Variants in UBE2E2 observed in about 807,000 individuals in gnomAD.
UBE2E2 encodes the protein ubiquitin conjugating enzyme E2 E2.
UBE2E2 carries 6 observed loss-of-function variants against 24.7 expected under a neutral mutation model. The observed-to-expected ratio is 0.24, with a 90% CI of 0.13 to 0.48. UBE2E2 has a LOEUF of 0.48. Among genes scored for constraint, UBE2E2 ranks in the 20% least tolerant of loss-of-function variants. The pLI is 0.99. For missense variants in UBE2E2, 169 were observed against 245.0 expected (o/e 0.69, Z 2.07); for synonymous variants, 104 against 83.6 (o/e 1.24, Z -1.33).
chr3:23,287,634 A>G (rs1011594663), intron 3 of UBE2E2, among the ~76,000 whole-genome samples: 1 of 151,984 alleles, frequency 6.6e-6, no homozygotes, highest in Admixed American at 6.6e-5. Flanking sequence ...GGATTTCTTC[A>G]TGGTTCAATT....
intron 3 of UBE2E2, among the ~76,000 whole-genome samples, chr3:23,397,171 C>T (rs1697099271): frequency 6.6e-6 from 1 of 152,116 alleles, no homozygotes; most frequent in South Asian, 2.1e-4. Context: ...AAATAAACAG[C>T]TTTTTGAGCA....
intron 3 of UBE2E2, among the ~76,000 whole-genome samples, chr3:23,309,130 AG>A (rs1219334551): frequency 6.6e-6 from 1 of 152,178 alleles, no homozygotes; most frequent in Non-Finnish European, 1.5e-5. Context: ...GCCCACTTTG[AG>A]GGCAGGTCTT....
Position 23,478,203 on chromosome 3 carries a change from A to G in UBE2E2, c.228-21405A>G, listed in dbSNP as rs551837235. ...TGTTCTAGTATTTATTATGTGGCAG[A>G]CATCATCACAGCTGCCTAGTATGCA... On this transcript the variant is annotated intron_variant, in intron 3 of 5. Coordinates refer to ENST00000396703, the MANE Select transcript of UBE2E2 (RefSeq NM_152653.4). Among the ~76,000 whole-genome samples, 34 of 152,388 alleles carry G rather than the reference A, an allele frequency of 2.2e-4. No individual in the cohort carries two copies. In the East Asian group the frequency reaches 5.8e-3, roughly 26 times the overall value.
intron 1 of UBE2E2, 62 bp from the exon 2 acceptor site, chr3:23,208,630 G>T (rs774250188): frequency 4.1e-5 from 53 of 1,293,288 alleles, no homozygotes; most frequent in African/African-American, 9.1e-5. Context: ...CTCATTCTCT[G>T]TGTTCTGGAG....
chr3:23,304,271 C>T (rs1575547437), intron 3 of UBE2E2, among the ~76,000 whole-genome samples: 1 of 152,058 alleles, frequency 6.6e-6, no homozygotes, highest in East Asian at 1.9e-4. Flanking sequence ...AACATAGAGA[C>T]CTTTTAAGTT....
chr3:23,579,585 A>G (rs1696428894), intron 5 of UBE2E2, among the ~76,000 whole-genome samples: 1 of 151,426 alleles, frequency 6.6e-6, no homozygotes, highest in African/African-American at 2.4e-5. Context: ...CTGTAGTCCT[A>G]ACTACTTGGG....
chr3:23,523,181 C>CA (rs1246049395), intron 4 of UBE2E2, among the ~76,000 whole-genome samples: 5 of 151,972 alleles, frequency 3.3e-5, no homozygotes, highest in Admixed American at 3.3e-4. Context: ...TTATAAATTG[C>CA]AAAAGAAGGA....
chr3:23,386,092 T>G (rs1004346267), intron 3 of UBE2E2, among the ~76,000 whole-genome samples: 2 of 152,234 alleles, frequency 1.3e-5, no homozygotes, highest in Non-Finnish European at 2.9e-5. Context: ...CACTATTTCA[T>G]ATAAGTAGTT....
At chr3:23,298,166 A>C (rs574859021) in intron 3 of UBE2E2, among the ~76,000 whole-genome samples, 82 of 152,324 alleles carry the variant, frequency 5.4e-4, no homozygotes, top group Admixed American at 1.8e-3. Context: ...GAAGTTGCTT[A>C]TCAGCTTGAG....
intron 3 of UBE2E2, among the ~76,000 whole-genome samples, chr3:23,267,317 TAAA>T (rs1012966698): frequency 2.0e-5 from 3 of 151,276 alleles, no homozygotes; most frequent in Admixed American, 6.6e-5. Context: ...GCAAGACTAA[TAAA>T]GAAGAAAAGA....
chr3:23,412,691 C>CAAGT (rs1242695382), intron 3 of UBE2E2, among the ~76,000 whole-genome samples: 1 of 152,058 alleles, frequency 6.6e-6, no homozygotes, highest in African/African-American at 2.4e-5. Context: ...TGCCTTTATT[C>CAAGT]AAGTACACTG....
At chr3:23,314,477 A>C (rs1241845161) in intron 3 of UBE2E2, among the ~76,000 whole-genome samples, 1 of 152,188 alleles carries the variant, frequency 6.6e-6, no homozygotes, top group Non-Finnish European at 1.5e-5. Flanking sequence ...TCTACTAAAG[A>C]TATGAGTAGT....
intron 3 of UBE2E2, among the ~76,000 whole-genome samples, chr3:23,362,922 A>T (rs1035566031): frequency 1.8e-5 from 1 of 57,034 alleles, no homozygotes. Flanking sequence ...AGGGAACCCC[A>T]TCAGGCTAAC....
Position 23,572,960 on chromosome 3 carries a change from A to T in UBE2E2, c.509-16774A>T, listed in dbSNP as rs147611749. On this transcript the variant is annotated intron_variant, in intron 5 of 5. Coordinates refer to ENST00000396703, the MANE Select transcript of UBE2E2 (RefSeq NM_152653.4). The stretch of plus-strand genomic sequence containing the variant: ...TTTTGATGACATTATTTAGAGGGAC[A>T]TGAGAGTCCTATACCCTGGGGTGAA... 1.4e-3 allele frequency among the ~76,000 whole-genome samples: 207 copies of T among 152,308 alleles called. 1 individual carries two copies. The highest frequency in any genetic ancestry group is 4.5e-3 in the African/African-American group (186 of 41,570).
intron 3 of UBE2E2, among the ~76,000 whole-genome samples, chr3:23,417,074 G>T (rs1441015727): frequency 6.6e-6 from 1 of 152,044 alleles, no homozygotes; most frequent in Non-Finnish European, 1.5e-5. Context: ...CTCATTCTCC[G>T]TCCAGTTTTG....
chr3:23,468,511 T>C (rs1698970196), intron 3 of UBE2E2, among the ~76,000 whole-genome samples: 1 of 152,322 alleles, frequency 6.6e-6, no homozygotes, highest in Non-Finnish European at 1.5e-5. Flanking sequence ...TTAGGTATAG[T>C]TATACTATAT....
At chr3:23,223,451 C>G (rs573716926) in intron 3 of UBE2E2, among the ~76,000 whole-genome samples, 24 of 152,230 alleles carry the variant, frequency 1.6e-4, no homozygotes, top group African/African-American at 5.5e-4. Flanking sequence ...CCTTGGCCTC[C>G]CAAAGTGCTA....
intron 5 of UBE2E2, among the ~76,000 whole-genome samples, chr3:23,580,379 A>G (rs937833686): frequency 6.6e-6 from 1 of 152,234 alleles, no homozygotes; most frequent in Non-Finnish European, 1.5e-5. Flanking sequence ...GCAGCCATCC[A>G]CATTAAGGCA....
chr3:23,545,518 C>T (rs886754006), intron 5 of UBE2E2, among the ~76,000 whole-genome samples: 1 of 152,166 alleles, frequency 6.6e-6, no homozygotes, highest in African/African-American at 2.4e-5. Context: ...CATAGATTAA[C>T]AGAATCTCAA....
Sources: gnomAD v4.1 joint callset for allele counts (sites outside exome capture counted in the v4.1 genomes callset) on GRCh38, gnomAD v4.1.1 for gene constraint, MANE v1.5 for transcripts, NCBI Gene and HGNC (gene_info 2026-07-23, HGNC 2026-07-21) for gene names.